RCC1L: variants seen among roughly 807,000 people sequenced by gnomAD.
The protein encoded by RCC1L is RCC1-like G exchanging factor-like protein.
RCC1L carries 46 observed loss-of-function variants against 58.6 expected under a neutral mutation model. The observed-to-expected ratio is 0.79, with a 90% CI of 0.62 to 1.00. The LOEUF (loss-of-function observed/expected upper bound fraction) is 1.00, where lower values mean the gene tolerates loss of function less well. Ranked by LOEUF, RCC1L falls within the 50% of genes least tolerant of loss-of-function variation. The pLI, the probability that RCC1L is intolerant of heterozygous loss-of-function variation, is 0.00. For synonymous variants in RCC1L, 281 were observed against 262.9 expected (o/e 1.07, Z -0.67); for missense variants, 636 against 623.6 (o/e 1.02, Z -0.21).
chr7:75,064,620 C>T lies in RCC1L; in HGVS notation c.612G>A (p.Gly204=). 6.2e-7 allele frequency: 1 copy of T among 1,613,856 alleles called. No homozygotes were observed. Among genetic ancestry groups the T allele is most frequent in the Non-Finnish European group, 8.5e-7 (1 of 1,179,840 alleles). Residue 204 remains glycine (G), a synonymous_variant, in exon 4 of 11, where the codon GGG becomes GGA. Transcript: ENST00000610322. ...GVFSMGNNSY[G]QCGRKVVENE... Reference sequence around the variant, plus strand: ...TTTCGACCACCTTTCTTCCACATTGCCCATAAGAATTGTTTCCCATGCTGA... The same window carrying T: ...TTTCGACCACCTTTCTTCCACATTGTCCATAAGAATTGTTTCCCATGCTGA...
exon 11 of RCC1L, chr7:75,027,914 G>C (rs943926184): frequency 9.9e-5 from 113 of 1,137,590 alleles, no homozygotes; most frequent in Admixed American, 3.8e-4. Flanking sequence ...GGTCTGCTGG[G>C]TGGGAGGGTC....
At chr7:75,054,371 G>A (rs944821433) in intron 9 of RCC1L, among the ~76,000 whole-genome samples, 1 of 152,108 alleles carries the variant, frequency 6.6e-6, no homozygotes, top group African/African-American at 2.4e-5. Context: ...CTCACCCTTA[G>A]AAGGAGGCCT....
chr7:75,049,098 T>C (rs902417021), intron 10 of RCC1L, among the ~76,000 whole-genome samples: 2 of 152,236 alleles, frequency 1.3e-5, no homozygotes, highest in African/African-American at 4.8e-5. Context: ...TTGGTACCAG[T>C]GTATGAGCTA....
intron 2 of RCC1L, among the ~76,000 whole-genome samples, chr7:75,068,252 G>A (rs1263387084): frequency 1.3e-5 from 2 of 151,236 alleles, no homozygotes; most frequent in African/African-American, 4.9e-5. Context: ...TCCAGGAGGA[G>A]GAGGCTGCGG....
downstream of RCC1L, among the ~76,000 whole-genome samples, chr7:75,039,555 T>C (rs1366622052): frequency 6.6e-6 from 1 of 152,188 alleles, no homozygotes; most frequent in Non-Finnish European, 1.5e-5. Context: ...AGTGGCGGTC[T>C]GCATACCTGC....
chr7:75,060,427 C>A (rs1806236479), intron 6 of RCC1L, among the ~76,000 whole-genome samples: 1 of 152,122 alleles, frequency 6.6e-6, no homozygotes, highest in African/African-American at 2.4e-5. Context: ...CTTTTCTCTG[C>A]AGTTTGTGTT....
chr7:75,044,599 G>GAAAAAAAAAAAAAAAAAAAAAAAAAA (rs1169350324), intron 10 of RCC1L, among the ~76,000 whole-genome samples: 1 of 40,662 alleles, frequency 2.5e-5, no homozygotes, highest in Non-Finnish European at 4.1e-5. Context: ...ACTCTGTCTC[G>GAAAAAAAAAAAAAAAAAAAAAAAAAA]AAAAAAAAAA....
chr7:75,058,919 G>T, intron 6 of RCC1L, 150 bp from the exon 7 acceptor site: 5 of 789,464 alleles, frequency 6.3e-6, no homozygotes, highest in Non-Finnish European at 1.0e-5. Flanking sequence ...GCTCACGCCT[G>T]TAATCCCACC....
chr7:75,063,400 G>A, intron 4 of RCC1L, 57 bp from the exon 5 acceptor site: 1 of 1,583,570 alleles, frequency 6.3e-7, no homozygotes, highest in Admixed American at 1.7e-5. Flanking sequence ...CAAGCACTGT[G>A]CAGCCCTTTC....
intron 6 of RCC1L, among the ~76,000 whole-genome samples, chr7:75,059,821 T>C (rs1419211087): frequency 6.6e-6 from 1 of 152,090 alleles, no homozygotes; most frequent in Non-Finnish European, 1.5e-5. Context: ...TAAAATGGCA[T>C]GGTTAACAAT....
chr7:75,031,227 C>A (rs943331254), intron 10 of RCC1L, among the ~76,000 whole-genome samples: 1 of 152,064 alleles, frequency 6.6e-6, no homozygotes, highest in Non-Finnish European at 1.5e-5. Context: ...CCAGAGCCCC[C>A]ACCATCGTAG....
At chr7:75,039,614 C>T (rs894295400), downstream of RCC1L, among the ~76,000 whole-genome samples, 5 of 152,032 alleles carry the variant, frequency 3.3e-5, no homozygotes, top group Non-Finnish European at 5.9e-5. Context: ...GCAAACTGTC[C>T]GAGGGAGATG....
At chr7:75,034,193 G>C (rs1805380393) in intron 10 of RCC1L, among the ~76,000 whole-genome samples, 1 of 152,172 alleles carries the variant, frequency 6.6e-6, no homozygotes, top group Admixed American at 6.6e-5. Context: ...CAACAGGTCT[G>C]GATGCACATT....
rs1356007514 is a variant in RCC1L at position 75,034,695 on chromosome 7, T to G, written c.1318-6616A>C. 9.4e-5 allele frequency among the ~76,000 whole-genome samples: 14 copies of G among 149,628 alleles called. No individual in the cohort carries two copies. The East Asian group carries it at 1.7e-3, about 19-fold the overall frequency. ...CATCAGCTAGACCCAGGGCCTGGTT[T>G]GTTTGTTTTTTTCTTTAAATTTATT... On this transcript the variant is annotated intron_variant, in intron 10 of 10. Transcript: ENST00000614461.
chr7:75,073,602 G>C lies in RCC1L; in HGVS notation c.136C>G (p.Pro46Ala). The change falls in exon 1 of 11, where the codon CCC becomes GCC. Residue 46 changes from proline (P) to alanine (A), a missense_variant. Physicochemically the swap from Pro to Ala is conservative, Grantham distance 27. Transcript: ENST00000610322. ...REAAEAEAEVPVVQYVGERAA... is the reference protein window; with the variant it reads ...REAAEAEAEVAVVQYVGERAA... ...CGCTCGCCCACGTACTGGACCACGG[G>C]CACCTCCGCCTCGGCTTCTGCCGCT... The C allele has an allele frequency of 6.5e-7, 1 of 1,527,644 alleles. No individual in the cohort carries two copies. The allele number at this position is 1,527,644 out of a possible 1,614,324, so 94.6% of individuals were successfully genotyped here. A position where few individuals can be genotyped will look rare whatever the true frequency, so the allele number is the denominator to read the frequency against.
chr7:75,066,138 C>T (rs1806471436), intron 3 of RCC1L, among the ~76,000 whole-genome samples: 1 of 152,050 alleles, frequency 6.6e-6, no homozygotes, highest in South Asian at 2.1e-4. Flanking sequence ...TTCCAAGAAC[C>T]AGAGAGCAGA....
At chr7:75,039,547 T>C (rs1005976208), downstream of RCC1L, among the ~76,000 whole-genome samples, 14 of 151,908 alleles carry the variant, frequency 9.2e-5, no homozygotes, top group Non-Finnish European at 1.5e-4. Flanking sequence ...TAGTGTGGAG[T>C]GGCGGTCTGC....
chr7:75,036,522 C>T (rs1387655870), intron 10 of RCC1L, among the ~76,000 whole-genome samples: 2 of 152,258 alleles, frequency 1.3e-5, no homozygotes, highest in East Asian at 3.9e-4. Flanking sequence ...TCCTTCTCAC[C>T]ACCCCATCTG....
At position 75,073,522 on chromosome 7, in the gene RCC1L, C is replaced by T. The variant is rs1806848683; in HGVS notation, c.216G>A (p.Leu72=). 2.1e-6 allele frequency: 3 copies of T among 1,455,480 alleles called. No homozygotes were observed. The highest frequency in any genetic ancestry group is 2.7e-6 in the Non-Finnish European group (3 of 1,111,882). The allele number at this position is 1,455,480 out of a possible 1,614,324, so 90.2% of individuals were successfully genotyped here. A position where few individuals can be genotyped will look rare whatever the true frequency, so the allele number is the denominator to read the frequency against. The change falls in exon 1 of 11, where the codon CTG becomes CTA. Residue 72 remains leucine (L), a synonymous_variant. Coordinates refer to ENST00000610322, the MANE Select transcript of RCC1L (RefSeq NM_030798.5). ...TGGGCACCACAAAGGAAGGCACGCC[C>T]AGCGCCCCCGAGAAGCTGAAGCCCC... ...FVWGFSFSGA[L]GVPSFVVPSS... is the part of the protein sequence containing the mutation.
Sources: gnomAD v4.1 joint callset for allele counts (sites outside exome capture counted in the v4.1 genomes callset) on GRCh38, gnomAD v4.1.1 for gene constraint, MANE v1.5 for transcripts, NCBI Gene and HGNC (gene_info 2026-07-23, HGNC 2026-07-21) for gene names.